GTF2I: variants seen among roughly 807,000 people sequenced by gnomAD.
GTF2I encodes the protein general transcription factor IIi.
GTF2I carries 12 observed loss-of-function variants against 67.6 expected under a neutral mutation model. The ratio of observed to expected loss-of-function variants is 0.18; its 90% CI spans 0.11 to 0.29. GTF2I has a LOEUF of 0.29. Ranked by LOEUF, GTF2I falls within the 10% of genes least tolerant of loss-of-function variation. The pLI, the probability that GTF2I is intolerant of heterozygous loss-of-function variation, is 1.00. For missense variants in GTF2I, 271 were observed against 580.1 expected (o/e 0.47, Z 5.47); for synonymous variants, 149 against 197.0 (o/e 0.76, Z 2.04).
chr7:74,687,900 T>C (rs1482492120), intron 1 of GTF2I, among the ~76,000 whole-genome samples: 2 of 152,176 alleles, frequency 1.3e-5, no homozygotes, highest in African/African-American at 4.8e-5. Context: ...ATTCAATAGC[T>C]CCCTAAAAGT....
intron 1 of GTF2I, among the ~76,000 whole-genome samples, chr7:74,660,779 G>T (rs587701575): frequency 6.6e-6 from 1 of 151,918 alleles, no homozygotes; most frequent in South Asian, 2.1e-4. Context: ...GCTCCACCAC[G>T]CCCGGCTAAG....
intron 3 of GTF2I, 40 bp downstream of exon 3, chr7:74,691,151 T>A: frequency 7.3e-7 from 1 of 1,375,856 alleles, no homozygotes; most frequent in Non-Finnish European, 1.0e-6. Context: ...TCATTAATTT[T>A]AAGCCTAAAT....
chr7:74,698,350 A>G lies in GTF2I; in HGVS notation c.239-611A>G, dbSNP rs969428479. Among the ~76,000 whole-genome samples the G allele has an allele frequency of 2.1e-5, 3 of 144,526 alleles. No homozygotes were observed. In the South Asian group the frequency reaches 6.6e-4, roughly 32 times the overall value. 94.8% of individuals were successfully genotyped at this position (144,526 alleles called of 152,430 possible). A position where few individuals can be genotyped will look rare whatever the true frequency, so the allele number is the denominator to read the frequency against. ...TGTCATCTGCCAGCCTCAGCCTCCC[A>G]AAGTGCTGGGATTACAGGTGTGAGC... is the stretch of plus-strand genomic sequence containing the variant. On this transcript the variant is annotated intron_variant, in intron 3 of 34. Transcript: ENST00000573035.
chr7:74,681,010 G>A (rs148738897), intron 1 of GTF2I, among the ~76,000 whole-genome samples: 29 of 152,222 alleles, frequency 1.9e-4, no homozygotes, highest in African/African-American at 6.7e-4. Context: ...AACCAGAATC[G>A]GAGATAAACA....
At chr7:74,661,809 A>AT (rs1485392039) in intron 1 of GTF2I, among the ~76,000 whole-genome samples, 1 of 152,236 alleles carries the variant, frequency 6.6e-6, no homozygotes, top group Non-Finnish European at 1.5e-5. Context: ...TAAAAGTTTC[A>AT]TAAGTCTCCA....
At chr7:74,696,676 G>A (rs1324442219) in intron 3 of GTF2I, among the ~76,000 whole-genome samples, 1 of 151,884 alleles carries the variant, frequency 6.6e-6, no homozygotes, top group African/African-American at 2.4e-5. Context: ...GTATTTTTTA[G>A]TAGAGGTGGG....
chr7:74,658,200 CGCGCGGTGT>C (rs1367058846), intron 1 of GTF2I, 132 bp downstream of exon 1: 1 of 151,048 alleles, frequency 6.6e-6, no homozygotes, highest in African/African-American at 2.4e-5. Flanking sequence ...CGGCCCGCCG[CGCGCGGTGT>C]GGGGCCTTGG....
chr7:74,680,392 AATG>A, intron 1 of GTF2I, among the ~76,000 whole-genome samples: 1 of 151,968 alleles, frequency 6.6e-6, no homozygotes. Flanking sequence ...TTATGAGGGT[AATG>A]ATAAGGTTTG....
At position 74,756,851 on chromosome 7, in the gene GTF2I, C is replaced by T. The variant is rs782678044; in HGVS notation, c.2886C>T (p.Pro962=). The T allele has an allele frequency of 1.4e-5, 3 of 215,208 alleles. No homozygotes were observed. The highest frequency in any genetic ancestry group is 7.0e-4 in the East Asian group (2 of 2,858). 13.3% of individuals were successfully genotyped at this position (215,208 alleles called of 1,614,324 possible). A position where few individuals can be genotyped will look rare whatever the true frequency, so the allele number is the denominator to read the frequency against. ...TTGATCAGAGTGAGTCAGAAGGCCCCGTGATACAAGGTGAGCGAGGCAGGG... is the reference window on the plus strand; with the variant it reads ...TTGATCAGAGTGAGTCAGAAGGCCCTGTGATACAAGGTGAGCGAGGCAGGG... ...QLVDQSESEG[P]VIQESAEPSQ... is the part of the protein sequence containing the mutation. Residue 962 remains proline, a synonymous_variant, in exon 32 of 35, where the codon CCC becomes CCT. Transcript: ENST00000573035.
At chr7:74,672,495 G>A (rs1805548458) in intron 1 of GTF2I, among the ~76,000 whole-genome samples, 4 of 151,952 alleles carry the variant, frequency 2.6e-5, no homozygotes, top group Admixed American at 6.6e-5. Context: ...AGCCAGGATC[G>A]TGCCACTGTA....
At chr7:74,658,735 C>T (rs1289555096) in intron 1 of GTF2I, among the ~76,000 whole-genome samples, 1 of 151,216 alleles carries the variant, frequency 6.6e-6, no homozygotes, top group African/African-American at 2.4e-5. Flanking sequence ...CGGGCCGGCC[C>T]GGCGCGCCTG....
intron 1 of GTF2I, among the ~76,000 whole-genome samples, chr7:74,661,448 G>A (rs972965779): frequency 6.6e-6 from 1 of 152,154 alleles, no homozygotes; most frequent in Non-Finnish European, 1.5e-5. Flanking sequence ...GGGAGGCCGA[G>A]GGAGGTGGAA....
intron 15 of GTF2I, 114 bp downstream of exon 15, chr7:74,732,776 T>G: frequency 1.5e-6 from 2 of 1,332,876 alleles, no homozygotes; most frequent in South Asian, 3.3e-5. Flanking sequence ...GTTTGAGTTA[T>G]TTTATGTATT....
intron 18 of GTF2I, among the ~76,000 whole-genome samples, chr7:74,737,307 G>A (rs1794887095): frequency 1.3e-5 from 2 of 149,372 alleles, no homozygotes; most frequent in South Asian, 4.2e-4. Context: ...AGAAGAGATG[G>A]AAGGTGTTTC....
chr7:74,659,073 A>G (rs1481702450), intron 1 of GTF2I, among the ~76,000 whole-genome samples: 2 of 127,532 alleles, frequency 1.6e-5, no homozygotes, highest in Non-Finnish European at 3.6e-5. Context: ...CTTGCTGACT[A>G]CTGACCTCCT....
intron 1 of GTF2I, among the ~76,000 whole-genome samples, chr7:74,677,385 C>T (rs149818457): frequency 2.2e-4 from 34 of 152,128 alleles, no homozygotes; most frequent in African/African-American, 7.2e-4. Context: ...TGGCATTAAG[C>T]GATACATGAA....
At chr7:74,734,495 C>T (rs1794731754) in intron 16 of GTF2I, among the ~76,000 whole-genome samples, 1 of 151,994 alleles carries the variant, frequency 6.6e-6, no homozygotes. Flanking sequence ...GATCTCCGCT[C>T]ACTGCAACCT....
chr7:74,704,339 G>A (rs1413102078), intron 6 of GTF2I, among the ~76,000 whole-genome samples: 4 of 151,240 alleles, frequency 2.6e-5, no homozygotes, highest in Non-Finnish European at 5.9e-5. Flanking sequence ...CGCCCAGGCT[G>A]GAGTGCAGTG....
chr7:74,672,965 A>G (rs1360208797), intron 1 of GTF2I, among the ~76,000 whole-genome samples: 2 of 152,008 alleles, frequency 1.3e-5, no homozygotes, highest in African/African-American at 4.8e-5. Flanking sequence ...GGTTCAAGCG[A>G]TTCTCCTGCC....
Sources: allele counts gnomAD v4.1 joint callset (sites outside exome capture counted in the v4.1 genomes callset), GRCh38; gene constraint gnomAD v4.1.1; transcripts MANE v1.5; gene names NCBI Gene and HGNC (gene_info 2026-07-23, HGNC 2026-07-21).